MED15: variants seen among roughly 807,000 people sequenced by gnomAD.
MED15 encodes mediator of RNA polymerase II transcription subunit 15.
A neutral mutation model predicts 118.7 loss-of-function variants in MED15; 41 were observed. The ratio of observed to expected loss-of-function variants is 0.35; its 90% confidence interval spans 0.27 to 0.45. The LOEUF is 0.45. Among genes scored for constraint, MED15 ranks in the 20% least tolerant of loss-of-function variants. The pLI is 1.00. For synonymous variants in MED15, 436 were observed against 413.9 expected, an observed-to-expected ratio of 1.05 and a Z score of -0.65; for missense variants, 740 against 1,025.5, an observed-to-expected ratio of 0.72 and a Z score of 3.80.
intron 5 of MED15, among the ~76,000 whole-genome samples, chr22:20,564,021 AAC>A (rs1271716917): frequency 6.6e-6 from 1 of 152,250 alleles, no homozygotes; most frequent in Non-Finnish European, 1.5e-5. Flanking sequence ...CGATAAAAAT[AAC>A]ACAGAAAAAC....
At chr22:20,570,746 C>CTTTTTTTTTTTTTTTTTT (rs61109389) in intron 8 of MED15, among the ~76,000 whole-genome samples, 27 of 62,102 alleles carry the variant, frequency 4.3e-4, no homozygotes, top group African/African-American at 1.2e-3. Context: ...TTCTTTCTTT[C>CTTTTTTTTTTTTTTTTTT]TTTTTTTTTT....
chr22:20,574,824 G>A (rs1039577534), intron 8 of MED15: 12 of 398,136 alleles, frequency 3.0e-5, no homozygotes, highest in Non-Finnish European at 5.7e-5. Flanking sequence ...AGCGAGGTGT[G>A]TTCAGAAGTG....
At chr22:20,555,253 A>T (rs2055949404) in intron 5 of MED15, 105 bp downstream of exon 5, 1 of 1,217,018 alleles carries the variant, frequency 8.2e-7, no homozygotes, top group Admixed American at 2.8e-5. Context: ...AGAAGCTCCA[A>T]ATCGCTCTGG....
At chr22:20,583,704 T>C (rs756410191) in intron 13 of MED15, 38 of 392,948 alleles carry the variant, frequency 9.7e-5, no homozygotes, top group Non-Finnish European at 1.6e-4. Context: ...CTGGCCCAGA[T>C]GGGCCTGAGC....
chr22:20,584,458 C>T, intron 14 of MED15, 33 bp downstream of exon 14: 1 of 1,607,968 alleles, frequency 6.2e-7, no homozygotes, highest in South Asian at 1.1e-5. Flanking sequence ...CTAGGGGAAC[C>T]AGGGCTCTCC....
chr22:20,583,051 C>G, intron 11 of MED15, 62 bp from the exon 12 acceptor site: 1 of 1,563,066 alleles, frequency 6.4e-7, no homozygotes, highest in South Asian at 1.2e-5. Context: ...CTGGGGCCCT[C>G]AGAGCTCAAG....
intron 9 of MED15, among the ~76,000 whole-genome samples, chr22:20,577,851 G>A (rs2056867171): frequency 6.6e-6 from 1 of 152,070 alleles, no homozygotes; most frequent in Non-Finnish European, 1.5e-5. Flanking sequence ...CAGGATTTAT[G>A]GAAAGAGGAA....
chr22:20,514,896 G>A (rs1025328945), intron 1 of MED15, among the ~76,000 whole-genome samples: 5 of 152,192 alleles, frequency 3.3e-5, no homozygotes, highest in Non-Finnish European at 7.3e-5. Flanking sequence ...TGCCCTTCTG[G>A]TGCAGCTCCA....
intron 2 of MED15, among the ~76,000 whole-genome samples, chr22:20,540,098 AG>A (rs2055237261): frequency 6.6e-6 from 1 of 151,982 alleles, no homozygotes; most frequent in Non-Finnish European, 1.5e-5. Context: ...GGAGGGATGC[AG>A]GGGGTGTTAG....
intron 15 of MED15, 27 bp downstream of exon 15, chr22:20,585,042 G>A (rs760075652): frequency 6.8e-6 from 11 of 1,613,618 alleles, no homozygotes; most frequent in Non-Finnish European, 9.3e-6. Flanking sequence ...TGGGCTTTGC[G>A]GAGGGCGGCC....
chr22:20,551,528 T>C, intron 3 of MED15, 41 bp downstream of exon 3: 1 of 1,585,086 alleles, frequency 6.3e-7, no homozygotes, highest in Non-Finnish European at 8.7e-7. Context: ...GAGATCTCTG[T>C]GAGAGGCCAG....
At chr22:20,511,673 A>G (rs1321690786) in intron 1 of MED15, among the ~76,000 whole-genome samples, 1 of 150,994 alleles carries the variant, frequency 6.6e-6, no homozygotes, top group Non-Finnish European at 1.5e-5. Flanking sequence ...ATGACTAGAC[A>G]GCCATTGCAG....
intron 5 of MED15, among the ~76,000 whole-genome samples, chr22:20,559,460 G>A (rs1039569700): frequency 6.6e-6 from 1 of 152,144 alleles, no homozygotes; most frequent in African/African-American, 2.4e-5. Context: ...TGGCATCCAA[G>A]CAAAGCCCCG....
intron 1 of MED15, among the ~76,000 whole-genome samples, chr22:20,515,742 C>T (rs920981209): frequency 6.6e-5 from 10 of 151,344 alleles, no homozygotes; most frequent in Non-Finnish European, 1.2e-4. Flanking sequence ...GCCAAGGTCG[C>T]GCCACTGCAC....
At chr22:20,560,209 G>A (rs1394008515) in intron 5 of MED15, among the ~76,000 whole-genome samples, 1 of 152,050 alleles carries the variant, frequency 6.6e-6, no homozygotes, top group African/African-American at 2.4e-5. Flanking sequence ...AAAACAGTCA[G>A]GCTAACCTCC....
At chr22:20,567,143 C>A (rs537971725) in intron 7 of MED15, among the ~76,000 whole-genome samples, 37 of 152,286 alleles carry the variant, frequency 2.4e-4, no homozygotes, top group Non-Finnish European at 3.2e-4. Flanking sequence ...CTGATGAGCA[C>A]CACATGAAAG....
At chr22:20,526,019 CAAGA>C (rs1017498802) in intron 1 of MED15, among the ~76,000 whole-genome samples, 1 of 151,380 alleles carries the variant, frequency 6.6e-6, no homozygotes, top group Non-Finnish European at 1.5e-5. Flanking sequence ...CTCCTGGGCT[CAAGA>C]AATCCTCCCA....
intron 1 of MED15, among the ~76,000 whole-genome samples, chr22:20,520,686 T>C (rs989340494): frequency 6.6e-6 from 1 of 152,206 alleles, no homozygotes; most frequent in African/African-American, 2.4e-5. Flanking sequence ...TGCACCACTC[T>C]TCTGACTTCC....
At position 20,570,746 on chromosome 22, in the gene MED15, C is replaced by CTTTTTTTTTTTTT. The variant is rs61109389; in HGVS notation, c.1152+2133_1152+2145dup. On this transcript the variant is annotated intron_variant, in intron 8 of 17. Coordinates refer to ENST00000263205, the MANE Select transcript of MED15 (RefSeq NM_001003891.3). ...TTTTCTTTTCTTTCTTTCTTTCTTT[C>CTTTTTTTTTTTTT]TTTTTTTTTTTTTTTTTTTTTTTTT... Among the ~76,000 whole-genome samples, 33 of 62,104 alleles carry CTTTTTTTTTTTTT rather than the reference C, an allele frequency of 5.3e-4. 1 individual carries two copies. Among genetic ancestry groups the CTTTTTTTTTTTTT allele is most frequent in the African/African-American group, 5.8e-4 (8 of 13,692 alleles). 40.7% of individuals were successfully genotyped at this position (62,104 alleles called of 152,430 possible).
Sources: allele counts gnomAD v4.1 joint callset (sites outside exome capture counted in the v4.1 genomes callset), GRCh38; gene constraint gnomAD v4.1.1; transcripts MANE v1.5; gene names NCBI Gene and HGNC (gene_info 2026-07-23, HGNC 2026-07-21).